Variants in DPYSL2 observed in about 807,000 individuals in gnomAD.
DPYSL2 encodes the protein dihydropyrimidinase-related protein 2.
DPYSL2 carries 13 observed loss-of-function variants against 69.9 expected under a neutral mutation model. That is an observed-to-expected ratio of 0.19 (90% CI 0.12 to 0.30). The LOEUF (loss-of-function observed/expected upper bound fraction) is 0.30. Ranked by LOEUF, DPYSL2 falls within the 10% of genes least tolerant of loss-of-function variation. The pLI is 1.00. For missense variants in DPYSL2, 587 were observed against 918.9 expected, an observed-to-expected ratio of 0.64 and a Z score of 4.67; for synonymous variants, 326 against 359.1, an observed-to-expected ratio of 0.91 and a Z score of 1.04.
At chr8:26,638,468 G>A (rs1802966194) in intron 8 of DPYSL2, among the ~76,000 whole-genome samples, 1 of 152,222 alleles carries the variant, frequency 6.6e-6, no homozygotes, top group South Asian at 2.1e-4. Context: ...GGGGAAGTGA[G>A]GATATGAGGT....
Position 26,627,384 on chromosome 8 carries a change from C to A in DPYSL2, c.936+89C>A. On this transcript the variant is annotated intron_variant, in intron 6 of 13. Coordinates refer to ENST00000521913, the MANE Select transcript of DPYSL2 (RefSeq NM_001197293.3). This position sits in a 1 kb window ranked among gnomAD's most constrained non-coding sequence, Gnocchi z 6.9. Reference sequence around the variant, plus strand: ...GGGAAGCTGCATCTGTAGCTTAACACCAAGGTGGAAAAGCAGAGGGACCTG... The same window carrying A: ...GGGAAGCTGCATCTGTAGCTTAACAACAAGGTGGAAAAGCAGAGGGACCTG... The A allele has an allele frequency of 1.4e-6, 2 of 1,383,532 alleles. No individual in the cohort carries two copies. Among genetic ancestry groups the A allele is most frequent in the Middle Eastern group, 2.3e-4 (1 of 4,432 alleles). The allele number at this position is 1,383,532 out of a possible 1,614,324, so 85.7% of individuals were successfully genotyped here. A position where few individuals can be genotyped will look rare whatever the true frequency, so the allele number is the denominator to read the frequency against.
rs975960521 is a variant in DPYSL2, at chr8:26,643,819, A to G, written c.1284-131A>G. The G allele has an allele frequency of 1.5e-6, 2 of 1,309,870 alleles. No homozygotes were observed. Among genetic ancestry groups the G allele is most frequent in the Non-Finnish European group, 2.1e-6 (2 of 964,366 alleles). 81.1% of individuals were successfully genotyped at this position (1,309,870 alleles called of 1,614,324 possible). On this transcript the variant is annotated intron_variant, in intron 9 of 13. Transcript: ENST00000521913. The surrounding 1 kb of genome is among the most constrained non-coding windows in gnomAD (Gnocchi z 6.5). ...GGCCATGTTGAAAGTCAAGCCAAGA[A>G]GGGAGAGGAGGCGTCAAAAGGACTC...
At position 26,605,402 on chromosome 8, in the gene DPYSL2, C is replaced by T. The variant is rs553881257; in HGVS notation, c.629-18741C>T. ...CCGGGTTCAAGTGATTCTCTTGCCT[C>T]AGCCTCTCAAGTAGAGTAGCCAGGA... On this transcript the variant is annotated intron_variant, in intron 3 of 13. Coordinates refer to ENST00000521913, the MANE Select transcript of DPYSL2 (RefSeq NM_001197293.3). The surrounding 1 kb of genome is among the most constrained non-coding windows in gnomAD (Gnocchi z 4.1). 3.9e-5 allele frequency among the ~76,000 whole-genome samples: 6 copies of T among 152,112 alleles called. No homozygotes were observed. The highest frequency in any genetic ancestry group is 8.8e-5 in the Non-Finnish European group (6 of 68,034).
intron 1 of DPYSL2, chr8:26,577,706 G>A (rs896871602): frequency 1.7e-4 from 121 of 727,542 alleles, no homozygotes; most frequent in Admixed American, 1.1e-3. Flanking sequence ...CCGGCCCGAA[G>A]AAAGCGCGCG....
At chr8:26,567,261 CCATT>C (rs1289628102) in intron 1 of DPYSL2, among the ~76,000 whole-genome samples, 1 of 104,816 alleles carries the variant, frequency 9.5e-6, no homozygotes, top group African/African-American at 5.1e-5. Flanking sequence ...CATCCACCAC[CCATT>C]CATTTATCCA....
chr8:26,635,551 G>T (rs1436864640), intron 8 of DPYSL2, among the ~76,000 whole-genome samples: 1 of 152,198 alleles, frequency 6.6e-6, no homozygotes, highest in African/African-American at 2.4e-5. Flanking sequence ...CTGACAACAT[G>T]AATTTCGATA....
Position 26,562,713 on chromosome 8 carries a change from C to T in DPYSL2, c.355-19256C>T, listed in dbSNP as rs1801092968. On this transcript the variant is annotated intron_variant, in intron 1 of 13. Transcript: ENST00000521913. This position sits in a 1 kb window ranked among gnomAD's most constrained non-coding sequence, Gnocchi z 4.9. ...CCCAAAATATAGTGGCAAAGACCAA[C>T]AACACTCTTACTGTGCTCATGGATC... Among the ~76,000 whole-genome samples the T allele has an allele frequency of 6.6e-6, 1 of 152,148 alleles. No homozygotes were observed. Among genetic ancestry groups the T allele is most frequent in the South Asian group, 2.1e-4 (1 of 4,828 alleles).
At position 26,520,059 on chromosome 8, in the gene DPYSL2, G is replaced by A. The variant is rs562267938; in HGVS notation, c.354+5380G>A. Among the ~76,000 whole-genome samples, 34 of 152,328 alleles carry A rather than the reference G, an allele frequency of 2.2e-4. No individual in the cohort carries two copies. In the South Asian group the frequency reaches 5.8e-3, roughly 26 times the overall value. The stretch of plus-strand genomic sequence containing the variant: ...GGAGGGAGATAATTGAATTGTTGGG[G>A]TGGTTTCCCCCATACTGTTCTTATT... On this transcript the variant is annotated intron_variant, in intron 1 of 13. Transcript: ENST00000521913.
rs553571375 is a variant in DPYSL2, at chr8:26,648,158, A to G, written c.1596+358A>G. ...GCAGTACTTGGTGCAAGGGACCTCA[A>G]TGAAGCAGTGAGATGTCCTCTCCTG... On this transcript the variant is annotated intron_variant, in intron 11 of 13. Transcript: ENST00000521913. This position sits in a 1 kb window ranked among gnomAD's most constrained non-coding sequence, Gnocchi z 4.3. 4.6e-5 allele frequency among the ~76,000 whole-genome samples: 7 copies of G among 152,280 alleles called. No homozygotes were observed. Among genetic ancestry groups the G allele is most frequent in the South Asian group, 4.1e-4 (2 of 4,820 alleles).
intron 7 of DPYSL2, among the ~76,000 whole-genome samples, chr8:26,630,787 G>T (rs543233287): frequency 6.6e-6 from 1 of 152,180 alleles, no homozygotes; most frequent in Non-Finnish European, 1.5e-5. Context: ...AAAGCAGAGA[G>T]CTAGAAAGTG....
chr8:26,522,847 T>C (rs1808410792), intron 1 of DPYSL2, among the ~76,000 whole-genome samples: 2 of 152,164 alleles, frequency 1.3e-5, no homozygotes, highest in South Asian at 4.1e-4. Flanking sequence ...TTTGATGAAA[T>C]CCAATTTATC....
chr8:26,604,904 C>G (rs1262874254), intron 3 of DPYSL2, among the ~76,000 whole-genome samples: 1 of 152,080 alleles, frequency 6.6e-6, no homozygotes, highest in Non-Finnish European at 1.5e-5. Context: ...AAGTTATTCA[C>G]CCACCTCGGC....
chr8:26,525,875 A>T (rs575965023), intron 1 of DPYSL2, among the ~76,000 whole-genome samples: 34 of 152,324 alleles, frequency 2.2e-4, no homozygotes, highest in African/African-American at 7.5e-4. Flanking sequence ...TTTAACCAGA[A>T]TTATATTAAA....
rs1228375611 is a variant in DPYSL2 at position 26,655,916 on chromosome 8, A to G, written c.*210A>G. The G allele has an allele frequency of 8.9e-6, 4 of 450,942 alleles. No individual in the cohort carries two copies. The highest frequency in any genetic ancestry group is 1.6e-5 in the Non-Finnish European group (4 of 252,872). The allele number at this position is 450,942 out of a possible 1,614,324, so 27.9% of individuals were successfully genotyped here. A position where few individuals can be genotyped will look rare whatever the true frequency, so the allele number is the denominator to read the frequency against. Reference sequence around the variant, plus strand: ...ACTGATTTTGCTCATCCACTTCCCTACACATCTATGGGTATCACACCCAAG... The same window carrying G: ...ACTGATTTTGCTCATCCACTTCCCTGCACATCTATGGGTATCACACCCAAG... On this transcript the variant is annotated 3_prime_UTR_variant, in exon 14 of 14. Coordinates refer to ENST00000521913, the MANE Select transcript of DPYSL2 (RefSeq NM_001197293.3).
intron 1 of DPYSL2, among the ~76,000 whole-genome samples, chr8:26,555,213 T>A (rs184408331): frequency 1.6e-4 from 25 of 152,208 alleles, no homozygotes; most frequent in African/African-American, 6.0e-4. Context: ...TGATTTCCCT[T>A]CTCAGCACTT....
At position 26,627,224 on chromosome 8, in the gene DPYSL2, G is replaced by A. The variant is rs771744340; in HGVS notation, c.865G>A (p.Val289Ile). The change falls in exon 6 of 14, where the codon GTA (valine) becomes ATA (isoleucine). Residue 289 changes from valine to isoleucine, a missense_variant. Physicochemically the swap from Val to Ile is conservative, Grantham distance 29. Transcript: ENST00000521913. The surrounding 1 kb of genome is among the most constrained non-coding windows in gnomAD (Gnocchi z 6.9). ...CTTGTCTCTCTCTCAGATTTATGAA[G>A]TACTGAGTGTGATCCGGGATATTGG... ...FQLTDCQIYE[V>I]LSVIRDIGAI... The A allele has an allele frequency of 6.2e-7, 1 of 1,614,066 alleles. No individual in the cohort carries two copies. Among genetic ancestry groups the A allele is most frequent in the African/African-American group, 1.3e-5 (1 of 74,942 alleles).
At chr8:26,631,022 C>T (rs1004630827) in intron 7 of DPYSL2, among the ~76,000 whole-genome samples, 2 of 152,214 alleles carry the variant, frequency 1.3e-5, no homozygotes, top group African/African-American at 4.8e-5. Flanking sequence ...GAGGCTCCTG[C>T]TGAGACCCTC....
At position 26,564,274 on chromosome 8, in the gene DPYSL2, G is replaced by A. The variant is rs1201940099; in HGVS notation, c.355-17695G>A. On this transcript the variant is annotated intron_variant, in intron 1 of 13. Transcript: ENST00000521913. This position sits in a 1 kb window ranked among gnomAD's most constrained non-coding sequence, Gnocchi z 4.8. The stretch of plus-strand genomic sequence containing the variant: ...AAATGGGAGTGGAAGTTGAGGAAGT[G>A]GAGGCCAGGAGTGTACGCTACCCAT... Among the ~76,000 whole-genome samples the A allele has an allele frequency of 6.6e-6, 1 of 152,130 alleles. No homozygotes were observed. The highest frequency in any genetic ancestry group is 2.4e-5 in the African/African-American group (1 of 41,410).
chr8:26,580,387 C>G lies in DPYSL2; in HGVS notation c.355-1582C>G, dbSNP rs895418875. Among the ~76,000 whole-genome samples the G allele has an allele frequency of 5.3e-5, 8 of 152,128 alleles. No homozygotes were observed. The highest frequency in any genetic ancestry group is 8.8e-5 in the Non-Finnish European group (6 of 68,018). ...CCTCATCTACCTCACAGATTTCTTT[C>G]GAGGCTCTGATGTCATGATGTGCAC... On this transcript the variant is annotated intron_variant, in intron 1 of 13. Transcript: ENST00000521913. The surrounding 1 kb of genome is among the most constrained non-coding windows in gnomAD (Gnocchi z 4.1).
Sources: allele counts gnomAD v4.1 joint callset (sites outside exome capture counted in the v4.1 genomes callset), GRCh38; gene constraint gnomAD v4.1.1; non-coding constraint Gnocchi (gnomAD v3.1); transcripts MANE v1.5; gene names NCBI Gene and HGNC (gene_info 2026-07-23, HGNC 2026-07-21).